Variants in SORCS2 observed in about 807,000 individuals in gnomAD.
SORCS2 encodes VPS10 domain-containing receptor SorCS2.
A neutral mutation model predicts 141.6 loss-of-function variants in SORCS2; 100 were observed. The observed-to-expected ratio is 0.71, with a 90% CI of 0.60 to 0.83. SORCS2 has a LOEUF of 0.83. SORCS2 is among the 40% of genes least tolerant of loss of function. SORCS2 has a pLI of 0.00. For synonymous variants in SORCS2, 789 were observed against 676.9 expected (o/e 1.17, Z -2.57); for missense variants, 1,646 against 1,560.2 (o/e 1.05, Z -0.93).
rs191000003 is a variant in SORCS2, at chr4:7,697,107, C to T, written c.1592-91C>T. 2.2e-4 allele frequency: 253 copies of T among 1,124,690 alleles called. 3 individuals are homozygous for T. The East Asian group carries it at 6.4e-3, about 29-fold the overall frequency. 69.7% of individuals were successfully genotyped at this position (1,124,690 alleles called of 1,614,324 possible). A position where few individuals can be genotyped will look rare whatever the true frequency, so the allele number is the denominator to read the frequency against. ...TATGGAGACCCGGGGCACTGGCCAC[C>T]GTTGCTTGAGGTTTTTCCATGCTCA... On this transcript the variant is annotated intron_variant, in intron 11 of 26. Transcript: ENST00000507866.
chr4:7,368,450 G>A (rs958831474), intron 1 of SORCS2, among the ~76,000 whole-genome samples: 1 of 152,314 alleles, frequency 6.6e-6, no homozygotes, highest in Admixed American at 6.5e-5. Context: ...GCTGCCTGCC[G>A]GGAGTCCTGG....
chr4:7,630,153 C>G (rs1719789386), intron 3 of SORCS2, among the ~76,000 whole-genome samples: 1 of 152,168 alleles, frequency 6.6e-6, no homozygotes, highest in Non-Finnish European at 1.5e-5. Context: ...CATACGCAGA[C>G]TGTGAGGGTG....
At chr4:7,674,898 G>A (rs887259543) in intron 8 of SORCS2, among the ~76,000 whole-genome samples, 7 of 151,950 alleles carry the variant, frequency 4.6e-5, no homozygotes, top group African/African-American at 9.7e-5. Context: ...CAGCTACACC[G>A]TAATTGGGAG....
In SORCS2 at chr4:7,697,228, A is replaced by C; in HGVS notation, c.1622A>C (p.Lys541Thr). Residue 541 changes from lysine to threonine, a missense_variant, in exon 12 of 27, where the codon AAA becomes ACA. Coordinates refer to ENST00000507866, the MANE Select transcript of SORCS2 (RefSeq NM_020777.3). Reference protein sequence around the residue: ...GNLGSQLVEYKEEMYITSDCG... With the variant: ...GNLGSQLVEYTEEMYITSDCG... ...CTGGGCTCACAGCTGGTGGAATATAAAGAAGAAATGTACATCACGTCAGAC... is the reference window on the plus strand; with the variant it reads ...CTGGGCTCACAGCTGGTGGAATATACAGAAGAAATGTACATCACGTCAGAC... 1 of 1,591,002 alleles carries C rather than the reference A, an allele frequency of 6.3e-7. No individual in the cohort carries two copies. Among genetic ancestry groups the C allele is most frequent in the Non-Finnish European group, 8.6e-7 (1 of 1,168,916 alleles).
intron 1 of SORCS2, among the ~76,000 whole-genome samples, chr4:7,393,841 A>C (rs1189968990): frequency 2.6e-5 from 4 of 152,126 alleles, no homozygotes; most frequent in Non-Finnish European, 4.4e-5. Flanking sequence ...GGACTGGAAA[A>C]CTGAGCTGTG....
chr4:7,647,613 C>T (rs914589619), intron 4 of SORCS2, among the ~76,000 whole-genome samples: 1 of 152,136 alleles, frequency 6.6e-6, no homozygotes, highest in African/African-American at 2.4e-5. Context: ...GTTTTCAAGG[C>T]GAGTTCAGGA....
intron 2 of SORCS2, among the ~76,000 whole-genome samples, chr4:7,428,627 G>C (rs1447245915): frequency 6.6e-6 from 1 of 152,172 alleles, no homozygotes; most frequent in African/African-American, 2.4e-5. Context: ...GAGGGACTGA[G>C]AGGAGCATGT....
At chr4:7,720,063 A>G (rs1355168484) in intron 18 of SORCS2, among the ~76,000 whole-genome samples, 3 of 152,008 alleles carry the variant, frequency 2.0e-5, no homozygotes. Flanking sequence ...AAACACACAG[A>G]CACACACATG....
intron 3 of SORCS2, among the ~76,000 whole-genome samples, chr4:7,603,393 A>G (rs1717865919): frequency 2.0e-5 from 3 of 151,790 alleles, no homozygotes; most frequent in African/African-American, 7.3e-5. Context: ...TTGTGGACCG[A>G]TTTTCTCCGT....
At chr4:7,379,648 G>T (rs1260329958) in intron 1 of SORCS2, among the ~76,000 whole-genome samples, 1 of 152,170 alleles carries the variant, frequency 6.6e-6, no homozygotes. Flanking sequence ...TGGGTAACCT[G>T]CCCAAAGCCA....
At position 7,531,556 on chromosome 4, in the gene SORCS2, C is replaced by T. The variant is rs764479473; in HGVS notation, c.575C>T (p.Thr192Ile). The T allele has an allele frequency of 3.1e-6, 5 of 1,613,822 alleles. No individual in the cohort carries two copies. Among genetic ancestry groups the T allele is most frequent in the Admixed American group, 3.3e-5 (2 of 60,006 alleles). ...TCATCAGATTTCGGGACGTCCTACA[C>T]CAAGCTCACCCTCCAGCCTGGTGTC... ...WRSSDFGTSY[T>I]KLTLQPGVTT... Residue 192 changes from threonine to isoleucine, a missense_variant, in exon 3 of 27, where the codon ACC becomes ATC. Transcript: ENST00000507866.
chr4:7,315,895 C>T (rs1246023427), intron 1 of SORCS2, among the ~76,000 whole-genome samples: 1 of 152,166 alleles, frequency 6.6e-6, no homozygotes, highest in Non-Finnish European at 1.5e-5. Context: ...CATCACCCAA[C>T]CTACCATTTC....
intron 1 of SORCS2, among the ~76,000 whole-genome samples, chr4:7,345,877 G>A (rs761859570): frequency 3.9e-5 from 6 of 152,066 alleles, no homozygotes; most frequent in African/African-American, 1.4e-4. Context: ...TTTTCCCTCC[G>A]GTGGGTACCT....
At chr4:7,547,084 TC>T (rs1713319012) in intron 3 of SORCS2, among the ~76,000 whole-genome samples, 1 of 152,104 alleles carries the variant, frequency 6.6e-6, no homozygotes, top group Non-Finnish European at 1.5e-5. Context: ...GCAAATCCAC[TC>T]ATCCCCAGGC....
chr4:7,472,136 C>T (rs10026218), intron 2 of SORCS2, among the ~76,000 whole-genome samples: 123,478 of 152,216 alleles, frequency 0.81, 51,020 homozygotes, highest in Non-Finnish European at 0.91. Flanking sequence ...GCTGTTAGCT[C>T]GTGTCCCTGG....
intron 2 of SORCS2, among the ~76,000 whole-genome samples, chr4:7,489,270 C>G (rs1731177772): frequency 1.3e-5 from 2 of 152,152 alleles, no homozygotes; most frequent in Non-Finnish European, 2.9e-5. Context: ...GCTCTTACTC[C>G]TTAAATTCCT....
intron 2 of SORCS2, among the ~76,000 whole-genome samples, chr4:7,518,769 C>A (rs528479511): frequency 6.6e-6 from 1 of 152,192 alleles, no homozygotes; most frequent in South Asian, 2.1e-4. Context: ...CCATGTCAGG[C>A]CAGAGACTCA....
intron 1 of SORCS2, among the ~76,000 whole-genome samples, chr4:7,363,178 C>A (rs540354614): frequency 6.7e-6 from 1 of 150,218 alleles, no homozygotes; most frequent in South Asian, 2.2e-4. Context: ...ACCATTACTA[C>A]CCTCATCACC....
At chr4:7,388,732 C>T (rs983229570) in intron 1 of SORCS2, among the ~76,000 whole-genome samples, 10 of 152,172 alleles carry the variant, frequency 6.6e-5, no homozygotes, top group African/African-American at 2.2e-4. Flanking sequence ...CGCTTGTGAA[C>T]GTAAGAGTGG....
Sources: gnomAD v4.1 joint callset for allele counts (sites outside exome capture counted in the v4.1 genomes callset) on GRCh38, gnomAD v4.1.1 for gene constraint, MANE v1.5 for transcripts, NCBI Gene and HGNC (gene_info 2026-07-23, HGNC 2026-07-21) for gene names.